The following GSG1L variants were observed in gnomAD, a reference collection of about 807,000 sequenced individuals.
The protein encoded by GSG1L is GSG1 like.
In GSG1L, 24 loss-of-function variants were observed where a neutral mutation model predicts 42.1. That is an observed-to-expected ratio of 0.57 (90% CI 0.41 to 0.80). The LOEUF (loss-of-function observed/expected upper bound fraction) is 0.80, where lower values mean the gene tolerates loss of function less well. Ranked by LOEUF, GSG1L falls within the 30% of genes least tolerant of loss-of-function variation. The pLI is 0.00. For synonymous variants in GSG1L, 215 were observed against 203.5 expected, an observed-to-expected ratio of 1.06 and a Z score of -0.48; for missense variants, 445 against 472.2, an observed-to-expected ratio of 0.94 and a Z score of 0.53.
rs1368375615 is a variant in GSG1L at position 27,790,569 on chromosome 16, G to T, written c.*801C>A. The T allele has an allele frequency of 6.6e-6, 1 of 152,292 alleles. No individual in the cohort carries two copies. The highest frequency in any genetic ancestry group is 1.9e-4 in the East Asian group (1 of 5,200). 9.4% of individuals were successfully genotyped at this position (152,292 alleles called of 1,614,324 possible). ...GTAAAGCCTCCTCAGGGTCAGGGTG[G>T]TGTGATGTTGCTGAGCTCTGAAGAG... On this transcript the variant is annotated 3_prime_UTR_variant, in exon 7 of 7. Transcript: ENST00000447459.
chr16:28,014,634 G>T (rs1040700551), intron 1 of GSG1L, among the ~76,000 whole-genome samples: 2 of 149,144 alleles, frequency 1.3e-5, no homozygotes, highest in Non-Finnish European at 3.0e-5. Context: ...CTCCCAAGTA[G>T]CTGGGACTAC....
At chr16:28,058,900 G>C (rs2086309299) in intron 1 of GSG1L, among the ~76,000 whole-genome samples, 1 of 152,158 alleles carries the variant, frequency 6.6e-6, no homozygotes, top group South Asian at 2.1e-4. Flanking sequence ...CTGGAGACTT[G>C]ACTCTGAATG....
intron 6 of GSG1L, among the ~76,000 whole-genome samples, chr16:27,798,431 A>C (rs2082845581): frequency 6.6e-6 from 1 of 152,194 alleles, no homozygotes; most frequent in East Asian, 1.9e-4. Context: ...TGCAGAAAGA[A>C]CAGGGTGTGA....
intron 3 of GSG1L, among the ~76,000 whole-genome samples, chr16:27,866,439 G>A (rs189434378): frequency 1.1e-4 from 16 of 152,304 alleles, no homozygotes; most frequent in Admixed American, 2.6e-4. Context: ...CCATTTTGGA[G>A]AAGGAGTAAG....
chr16:27,815,470 T>C (rs951047380), intron 5 of GSG1L, among the ~76,000 whole-genome samples: 2 of 152,212 alleles, frequency 1.3e-5, no homozygotes, highest in African/African-American at 2.4e-5. Flanking sequence ...CTCTTCCTTA[T>C]AAATTACCCA....
chr16:27,926,060 T>C (rs2141067901), intron 2 of GSG1L, among the ~76,000 whole-genome samples: 1 of 152,360 alleles, frequency 6.6e-6, no homozygotes, highest in Middle Eastern at 3.4e-3. Context: ...GCGGGGCTTC[T>C]AATTGGATTT....
At chr16:27,799,422 G>A (rs2082857795) in intron 6 of GSG1L, among the ~76,000 whole-genome samples, 1 of 152,160 alleles carries the variant, frequency 6.6e-6, no homozygotes, top group African/African-American at 2.4e-5. Flanking sequence ...TCATGTGCCT[G>A]CAATCTCAGC....
rs1177351497 is a variant in GSG1L at position 28,040,888 on chromosome 16, C to G, written c.349+22188G>C. 3.9e-5 allele frequency among the ~76,000 whole-genome samples: 6 copies of G among 152,204 alleles called. No individual in the cohort carries two copies. The highest frequency in any genetic ancestry group is 8.8e-5 in the Non-Finnish European group (6 of 68,032). On this transcript the variant is annotated intron_variant, in intron 1 of 6. Coordinates refer to ENST00000447459, the MANE Select transcript of GSG1L (RefSeq NM_001109763.2). The surrounding 1 kb of genome is among the most constrained non-coding windows in gnomAD (Gnocchi z 4.1). ...AGACCATCTCTCTGCGTTCCGAGGGCCTTATTCAGACCCCACAGCAGCAAA... is the reference window on the plus strand; with the variant it reads ...AGACCATCTCTCTGCGTTCCGAGGGGCTTATTCAGACCCCACAGCAGCAAA...
intron 1 of GSG1L, among the ~76,000 whole-genome samples, chr16:27,982,263 A>G (rs921589295): frequency 3.3e-5 from 5 of 152,218 alleles, no homozygotes; most frequent in African/African-American, 9.7e-5. Context: ...CAACTCAAAA[A>G]GCTGTGGTGG....
intron 1 of GSG1L, among the ~76,000 whole-genome samples, chr16:28,000,556 G>A (rs1157836839): frequency 3.3e-5 from 5 of 152,122 alleles, no homozygotes; most frequent in Non-Finnish European, 7.4e-5. Flanking sequence ...TGAGGCAGAT[G>A]TTACGTGCTG....
chr16:27,866,468 A>G (rs2083726512), intron 3 of GSG1L, among the ~76,000 whole-genome samples: 1 of 152,228 alleles, frequency 6.6e-6, no homozygotes. Context: ...GCTCAGAAAG[A>G]TGGAAAATTT....
rs373756065 is a variant in GSG1L, at chr16:27,982,830, G to A, written c.350-19627C>T. Among the ~76,000 whole-genome samples the A allele has an allele frequency of 2.8e-4, 42 of 152,184 alleles. No homozygotes were observed. The South Asian group carries it at 3.3e-3, about 12-fold the overall frequency. On this transcript the variant is annotated intron_variant, in intron 1 of 6. Coordinates refer to ENST00000447459, the MANE Select transcript of GSG1L (RefSeq NM_001109763.2). ...CCAGATCTTGCATGAACTCATTGTC[G>A]TGGGCAGGGCACCAAGTCATTCATA...
chr16:27,887,157 T>C (rs2084040869), intron 2 of GSG1L, among the ~76,000 whole-genome samples: 1 of 151,886 alleles, frequency 6.6e-6, no homozygotes, highest in Non-Finnish European at 1.5e-5. Context: ...GGTTTCACCA[T>C]GTTGCGCCGG....
At chr16:28,062,788 T>G (rs1270091925) in intron 1 of GSG1L, among the ~76,000 whole-genome samples, 2 of 152,030 alleles carry the variant, frequency 1.3e-5, no homozygotes, top group African/African-American at 4.8e-5. Flanking sequence ...GGTGGGCGCC[T>G]TCCCGGGGCG....
chr16:27,914,608 C>T (rs552704642), intron 2 of GSG1L, among the ~76,000 whole-genome samples: 3 of 151,120 alleles, frequency 2.0e-5, no homozygotes, highest in African/African-American at 4.9e-5. Context: ...ACTGCAGCCT[C>T]GACCTCCCAG....
intron 2 of GSG1L, among the ~76,000 whole-genome samples, chr16:27,935,349 T>C (rs2084703188): frequency 6.6e-6 from 1 of 152,114 alleles, no homozygotes; most frequent in African/African-American, 2.4e-5. Flanking sequence ...GAGTCAACAA[T>C]GAGGGCTCTG....
chr16:28,013,005 A>T (rs1169135998), intron 1 of GSG1L, among the ~76,000 whole-genome samples: 1 of 151,904 alleles, frequency 6.6e-6, no homozygotes, highest in Non-Finnish European at 1.5e-5. Flanking sequence ...CGGGTGGATC[A>T]CCTGAGGTCA....
At position 27,827,929 on chromosome 16, in the gene GSG1L, C is replaced by T. The variant is rs542266448; in HGVS notation, c.830+860G>A. On this transcript the variant is annotated intron_variant, in intron 5 of 6. Coordinates refer to ENST00000447459, the MANE Select transcript of GSG1L (RefSeq NM_001109763.2). Reference sequence around the variant, plus strand: ...CTTCACCTACCCATCCACCACTCATCCATCCATCCATCCATCCATCTACCT... The same window carrying T: ...CTTCACCTACCCATCCACCACTCATTCATCCATCCATCCATCCATCTACCT... Among the ~76,000 whole-genome samples the T allele has an allele frequency of 6.7e-5, 6 of 89,884 alleles. No homozygotes were observed. In the East Asian group the frequency reaches 2.5e-3, roughly 38 times the overall value. 59.0% of individuals were successfully genotyped at this position (89,884 alleles called of 152,430 possible).
chr16:28,035,411 A>G (rs937478440), intron 1 of GSG1L, among the ~76,000 whole-genome samples: 4 of 152,180 alleles, frequency 2.6e-5, no homozygotes, highest in Non-Finnish European at 5.9e-5. Context: ...GGGAATCCCC[A>G]CTGCTAGCTT....
Sources: allele counts gnomAD v4.1 joint callset (sites outside exome capture counted in the v4.1 genomes callset), GRCh38; gene constraint gnomAD v4.1.1; non-coding constraint Gnocchi (gnomAD v3.1); transcripts MANE v1.5; gene names NCBI Gene and HGNC (gene_info 2026-07-23, HGNC 2026-07-21).